The following TBC1D30 variants were observed in gnomAD, a reference collection of about 807,000 sequenced individuals.
TBC1D30 encodes TBC1 domain family member 30.
TBC1D30 carries 31 observed loss-of-function variants against 63.2 expected under a neutral mutation model. That is an observed-to-expected ratio of 0.49 (90% CI 0.37 to 0.66). The LOEUF is 0.66. Ranked by LOEUF, TBC1D30 falls within the 30% of genes least tolerant of loss-of-function variation. TBC1D30 has a pLI of 0.00. For missense variants in TBC1D30, 810 were observed against 953.6 expected, an observed-to-expected ratio of 0.85 and a Z score of 1.98; for synonymous variants, 307 against 361.5, an observed-to-expected ratio of 0.85 and a Z score of 1.71.
At chr12:64,873,827 A>G (rs1878840533) in intron 11 of TBC1D30, among the ~76,000 whole-genome samples, 1 of 152,164 alleles carries the variant, frequency 6.6e-6, no homozygotes, top group South Asian at 2.1e-4. Context: ...AGTTATCAAC[A>G]TTTTTAGTTG....
chr12:64,866,817 A>G lies in TBC1D30; in HGVS notation c.1205A>G (p.Asp402Gly). The G allele has an allele frequency of 6.5e-7, 1 of 1,536,564 alleles. No homozygotes were observed. The highest frequency in any genetic ancestry group is 8.7e-7 in the Non-Finnish European group (1 of 1,147,002). The change falls in exon 10 of 12, where the codon GAT (aspartate) becomes GGT (glycine). Residue 402 changes from aspartate to glycine, a missense_variant. Coordinates refer to ENST00000539867, the MANE Select transcript of TBC1D30 (RefSeq NM_015279.2). ...SDEENDPDDE[D>G]AVVNAVGCLG... ...GAAGAGAATGACCCAGACGATGAGG[A>G]TGCTGTCGTTAATGCAGTGGGGTGT...
intron 2 of TBC1D30, among the ~76,000 whole-genome samples, chr12:64,800,645 G>A (rs1318499139): frequency 3.3e-5 from 5 of 152,074 alleles, no homozygotes; most frequent in African/African-American, 9.7e-5. Flanking sequence ...TGTAGACTGC[G>A]AGGGAAGGGA....
chr12:64,780,663 C>T (rs1056084137), exon 1 of TBC1D30: 22 of 764,252 alleles, frequency 2.9e-5, no homozygotes, highest in African/African-American at 7.6e-5. Flanking sequence ...CGGGGGAGGC[C>T]CGGGCACCTC....
At position 64,875,840 on chromosome 12, in the gene TBC1D30, G is replaced by A; in HGVS notation, c.*52G>A. The stretch of plus-strand genomic sequence containing the variant: ...CTCACCTTTTCACAGTAGTATAAGG[G>A]TTGCAGCTGAATGGCTCTAAAAGAG... On this transcript the variant is annotated 3_prime_UTR_variant, in exon 12 of 12. Coordinates refer to ENST00000539867, the MANE Select transcript of TBC1D30 (RefSeq NM_015279.2). The A allele has an allele frequency of 6.9e-7, 1 of 1,453,606 alleles. No homozygotes were observed. Among genetic ancestry groups the A allele is most frequent in the Non-Finnish European group, 9.1e-7 (1 of 1,104,678 alleles). The allele number at this position is 1,453,606 out of a possible 1,614,324, so 90.0% of individuals were successfully genotyped here.
At chr12:64,802,803 A>T (rs1194383564) in intron 2 of TBC1D30, among the ~76,000 whole-genome samples, 2 of 152,154 alleles carry the variant, frequency 1.3e-5, no homozygotes, top group African/African-American at 2.4e-5. Flanking sequence ...AGCTTCATCC[A>T]TGTCCCTACA....
chr12:64,856,311 A>G (rs1178562382), intron 8 of TBC1D30, among the ~76,000 whole-genome samples: 1 of 152,168 alleles, frequency 6.6e-6, no homozygotes, highest in Non-Finnish European at 1.5e-5. Flanking sequence ...ACCAGGCCCC[A>G]CCTCCAACAT....
chr12:64,858,012 C>T (rs1245082890), intron 8 of TBC1D30, among the ~76,000 whole-genome samples: 3 of 152,198 alleles, frequency 2.0e-5, no homozygotes, highest in Admixed American at 1.3e-4. Context: ...ACTGTCTCTC[C>T]TTCCCTTCTC....
intron 8 of TBC1D30, among the ~76,000 whole-genome samples, chr12:64,852,036 C>CT (rs201849001): frequency 0.043 from 6,499 of 152,056 alleles, 449 homozygotes; most frequent in African/African-American, 0.15. Flanking sequence ...GTGGTGTTCT[C>CT]GTATTTCCTG....
chr12:64,841,599 C>A lies in TBC1D30; in HGVS notation c.933-1781C>A, dbSNP rs139633063. ...TCTGCTCTCAGTAGCTCTCTTCCCT[C>A]AGCTCTCACTGGCTTCCTCTGGTCC... is the stretch of plus-strand genomic sequence containing the variant. On this transcript the variant is annotated intron_variant, in intron 7 of 11. Transcript: ENST00000539867. Among the ~76,000 whole-genome samples, 159 of 152,314 alleles carry A rather than the reference C, an allele frequency of 1.0e-3. 1 individual carries two copies. The highest frequency in any genetic ancestry group is 3.7e-3 in the African/African-American group (154 of 41,580).
intron 1 of TBC1D30, chr12:64,785,802 A>G: frequency 8.8e-7 from 1 of 1,132,982 alleles, no homozygotes; most frequent in Non-Finnish European, 1.2e-6. Flanking sequence ...TGTTCTATTT[A>G]TCTTTGGACT....
intron 5 of TBC1D30, among the ~76,000 whole-genome samples, chr12:64,833,345 A>G (rs1355791977): frequency 6.6e-6 from 1 of 152,244 alleles, no homozygotes; most frequent in Non-Finnish European, 1.5e-5. Flanking sequence ...CATGTGTGTC[A>G]GTGAGTCACC....
chr12:64,793,707 T>C (rs1237641347), intron 2 of TBC1D30, among the ~76,000 whole-genome samples: 1 of 152,040 alleles, frequency 6.6e-6, no homozygotes, highest in East Asian at 1.9e-4. Context: ...GATGAAAATA[T>C]GGATGAGTTC....
At chr12:64,866,425 C>T (rs546042283) in intron 9 of TBC1D30, among the ~76,000 whole-genome samples, 4 of 151,998 alleles carry the variant, frequency 2.6e-5, no homozygotes, top group South Asian at 2.1e-4. Context: ...TTATAAATCA[C>T]GTCATTATAT....
At chr12:64,845,473 T>C (rs1051573493) in intron 8 of TBC1D30, among the ~76,000 whole-genome samples, 3 of 152,094 alleles carry the variant, frequency 2.0e-5, no homozygotes, top group Admixed American at 6.6e-5. Context: ...ATGCCTGTAA[T>C]CCCAGCGCTT....
chr12:64,790,210 A>C (rs966575600), intron 2 of TBC1D30, among the ~76,000 whole-genome samples: 1 of 152,238 alleles, frequency 6.6e-6, no homozygotes, highest in African/African-American at 2.4e-5. Flanking sequence ...GTGTGGCTTC[A>C]GCATAGTTTG....
rs1230031477 is a variant in TBC1D30, at chr12:64,809,820, C to T, written c.644-18015C>T. The stretch of plus-strand genomic sequence containing the variant: ...AGATCCAGTCTAATTAATCATGGAT[C>T]AAAAGCTAAAGCATCCTTCCCCCAG... On this transcript the variant is annotated intron_variant, in intron 2 of 12. Coordinates refer to the TBC1D30 transcript ENST00000542120. 3.9e-5 allele frequency among the ~76,000 whole-genome samples: 6 copies of T among 152,300 alleles called. No individual in the cohort carries two copies. In the East Asian group the frequency reaches 1.2e-3, roughly 29 times the overall value.
At chr12:64,760,097 C>T (rs1870443958) in intron 1 of TBC1D30, among the ~76,000 whole-genome samples, 1 of 152,128 alleles carries the variant, frequency 6.6e-6, no homozygotes, top group African/African-American at 2.4e-5. Context: ...CCTAATGGTC[C>T]TTGGTGACTT....
At chr12:64,798,355 T>C (rs1451365639) in intron 2 of TBC1D30, among the ~76,000 whole-genome samples, 1 of 152,254 alleles carries the variant, frequency 6.6e-6, no homozygotes. Context: ...TGAAGTATTC[T>C]GAATCCATCT....
intron 8 of TBC1D30, among the ~76,000 whole-genome samples, chr12:64,860,634 G>A (rs1397395196): frequency 6.6e-6 from 1 of 152,172 alleles, no homozygotes; most frequent in African/African-American, 2.4e-5. Context: ...AAACATCCAG[G>A]AGTGTATGAA....
Sources: gnomAD v4.1 joint callset for allele counts (sites outside exome capture counted in the v4.1 genomes callset) on GRCh38, gnomAD v4.1.1 for gene constraint, MANE v1.5 for transcripts, NCBI Gene and HGNC (gene_info 2026-07-23, HGNC 2026-07-21) for gene names.